The following GIPC1 variants were observed in gnomAD, a reference collection of about 807,000 sequenced individuals.
The protein encoded by GIPC1 is PDZ domain-containing protein GIPC1.
GIPC1 carries 15 observed loss-of-function variants against 28.5 expected under a neutral mutation model. That is an observed-to-expected ratio of 0.53 (90% CI 0.35 to 0.81). The LOEUF (loss-of-function observed/expected upper bound fraction) is 0.81. Ranked by LOEUF, GIPC1 falls within the 30% of genes least tolerant of loss-of-function variation. The pLI is 0.01. For missense variants in GIPC1, 439 were observed against 481.9 expected, an observed-to-expected ratio of 0.91 and a Z score of 0.83; for synonymous variants, 224 against 206.1, an observed-to-expected ratio of 1.09 and a Z score of -0.74.
chr19:14,495,311 C>T (rs1433632934), intron 1 of GIPC1, among the ~76,000 whole-genome samples: 9 of 67,926 alleles, frequency 1.3e-4, no homozygotes, highest in African/African-American at 3.4e-4. Flanking sequence ...ATGATGAGTA[C>T]GGGGTAGGGG....
chr19:14,480,574 G>GC lies in GIPC1; in HGVS notation c.474+18dup, dbSNP rs779693987. 1.4e-5 allele frequency: 22 copies of GC among 1,611,176 alleles called. No individual in the cohort carries two copies. Among genetic ancestry groups the GC allele is most frequent in the Non-Finnish European group, 1.8e-5 (21 of 1,178,356 alleles). ...ACCCTCACTCCCAGGCCTCCGGGGT[G>GC]CCCCGTCTCCCCAGGCACCTTGATG... On this transcript the variant is annotated intron_variant, in intron 5 of 8. Transcript: ENST00000393033.
rs1383897058 is a variant in GIPC1, at chr19:14,482,833, G to C, written c.144C>G (p.Pro48=). 6.3e-7 allele frequency: 1 copy of C among 1,578,690 alleles called. No individual in the cohort carries two copies. The highest frequency in any genetic ancestry group is 2.3e-5 in the East Asian group (1 of 43,276). ...GGSGGPQMGL[P]PPPPALRPRL... ...GGGGCCGCAGGGCTGGGGGAGGGGGGGGCAAGCCCATTTGGGGGCCCCCCG... is the reference window on the plus strand; with the variant it reads ...GGGGCCGCAGGGCTGGGGGAGGGGGCGGCAAGCCCATTTGGGGGCCCCCCG... Residue 48 remains proline, a synonymous_variant, in exon 4 of 9, where the codon CCC becomes CCG. Transcript: ENST00000393033.
At chr19:14,486,175 G>A (rs962156803) in intron 3 of GIPC1, among the ~76,000 whole-genome samples, 9 of 152,138 alleles carry the variant, frequency 5.9e-5, no homozygotes, top group African/African-American at 1.4e-4. Flanking sequence ...CACCGTGCCC[G>A]GCCTGTGACC....
intron 3 of GIPC1, among the ~76,000 whole-genome samples, chr19:14,487,214 TTTTTC>T (rs1471162955): frequency 6.6e-6 from 1 of 151,176 alleles, no homozygotes; most frequent in Non-Finnish European, 1.5e-5. Flanking sequence ...TGCCTTTCTT[TTTTTC>T]TTTTTTTTCT....
In GIPC1 at chr19:14,488,438, G is replaced by A. The variant is rs538304970; in HGVS notation, c.-31+3218C>T. On this transcript the variant is annotated intron_variant, in intron 3 of 8. Transcript: ENST00000393033. ...TGCACTCCAGCCTGGGTGACAAACC[G>A]AGACTCCATCTCAAAAAAACAAAGA... is the stretch of plus-strand genomic sequence containing the variant. 6.6e-5 allele frequency among the ~76,000 whole-genome samples: 10 copies of A among 150,774 alleles called. 1 individual carries two copies. In the South Asian group the frequency reaches 1.7e-3, roughly 25 times the overall value.
In GIPC1 at chr19:14,494,104, C is replaced by T. The variant is rs546645730; in HGVS notation, c.-174-1192G>A. On this transcript the variant is annotated intron_variant, in intron 1 of 8. Transcript: ENST00000393033. ...CCTCCTGAGTAGCTGGGCTTACAGG[C>T]GTGCGCCACCACACCCAGCTAATTT... is the stretch of plus-strand genomic sequence containing the variant. Among the ~76,000 whole-genome samples, 281 of 152,282 alleles carry T rather than the reference C, an allele frequency of 1.8e-3. 3 individuals are homozygous for T. The highest frequency in any genetic ancestry group is 6.3e-3 in the African/African-American group (263 of 41,560).
Position 14,480,391 on chromosome 19 carries a change from C to T in GIPC1, c.569G>A (p.Arg190Gln), listed in dbSNP as rs368754619. 4.3e-6 allele frequency: 7 copies of T among 1,612,956 alleles called. No homozygotes were observed. The highest frequency in any genetic ancestry group is 1.1e-5 in the South Asian group (1 of 91,046). ...GAGCAGCCGGGCCACCTCGTAGTGC[C>T]GGCAGCCCAGCAGGCTCTGCCCGTT... ...AINGQSLLGC[R>Q]HYEVARLLKE... is the part of the protein sequence containing the mutation. Residue 190 changes from arginine (R) to glutamine (Q), a missense_variant, in exon 6 of 9, where the codon CGG becomes CAG. Arg to Gln is a conservative substitution (Grantham distance 43, BLOSUM62 1). Transcript: ENST00000393033.
chr19:14,480,565 C>T (rs773636783), intron 5 of GIPC1, 28 bp downstream of exon 5: 12 of 1,609,872 alleles, frequency 7.5e-6, no homozygotes, highest in Non-Finnish European at 1.0e-5. Context: ...ACTCCCAGGC[C>T]TCCGGGGTGC....
intron 4 of GIPC1, 136 bp downstream of exon 4, chr19:14,482,553 T>C (rs1460142474): frequency 8.3e-6 from 7 of 844,292 alleles, no homozygotes; most frequent in Non-Finnish European, 1.3e-5. Flanking sequence ...CCCAGGCCAT[T>C]GGCCCCCACC....
At position 14,485,702 on chromosome 19, in the gene GIPC1, TAGAGAGAG is replaced by T. The variant is rs747570310; in HGVS notation, c.-30-2704_-30-2697del. On this transcript the variant is annotated intron_variant, in intron 3 of 8. Transcript: ENST00000393033. Reference sequence around the variant, plus strand: ...ATAAACAAATATATATATATATATATAGAGAGAGAGAGAGAGAGAGAGAGAGAGAGAGA... The same window carrying T: ...ATAAACAAATATATATATATATATATAGAGAGAGAGAGAGAGAGAGAGAGA... Among the ~76,000 whole-genome samples the T allele has an allele frequency of 2.7e-3, 161 of 58,778 alleles. 1 individual carries two copies. The highest frequency in any genetic ancestry group is 4.0e-3 in the South Asian group (7 of 1,732). 38.6% of individuals were successfully genotyped at this position (58,778 alleles called of 152,430 possible).
chr19:14,489,138 G>T (rs539452028), intron 3 of GIPC1, among the ~76,000 whole-genome samples: 1 of 152,160 alleles, frequency 6.6e-6, no homozygotes, highest in Admixed American at 6.6e-5. Flanking sequence ...GCCCAGATTG[G>T]TCCTGAACTC....
chr19:14,479,578 C>T, intron 6 of GIPC1, 54 bp from the exon 7 acceptor site: 1 of 925,292 alleles, frequency 1.1e-6, no homozygotes. Flanking sequence ...TTAGCACGTT[C>T]TGGGCAGGAA....
At chr19:14,489,322 C>T (rs1000439670) in intron 3 of GIPC1, 5 of 767,764 alleles carry the variant, frequency 6.5e-6, no homozygotes, top group Admixed American at 5.2e-5. Context: ...CTGGGCCTAC[C>T]GCGGTAGCGT....
intron 3 of GIPC1, among the ~76,000 whole-genome samples, chr19:14,486,830 A>G (rs973067016): frequency 1.4e-5 from 2 of 144,784 alleles, no homozygotes; most frequent in African/African-American, 2.6e-5. Context: ...ACCTGCCTCA[A>G]CCTCCCAAGT....
chr19:14,494,108 C>T (rs765147898), intron 1 of GIPC1, among the ~76,000 whole-genome samples: 4 of 152,062 alleles, frequency 2.6e-5, no homozygotes, highest in African/African-American at 4.8e-5. Context: ...TACAGGCGTG[C>T]GCCACCACAC....
chr19:14,482,868 C>T lies in GIPC1; in HGVS notation c.109G>A (p.Gly37Arg), dbSNP rs564368722. The part of the protein sequence containing the change: ...LGVGEPGPLG[G>R]GGSGGPQMGL... ...ATTTGGGGGCCCCCCGACCCACCTC[C>T]GCCCAGAGGCCCTGGCTCCCCCACG... The change falls in exon 4 of 9, where the codon GGA (glycine) becomes AGA (arginine). Residue 37 changes from glycine (G) to arginine (R), a missense_variant. By Grantham distance (125) the Gly-to-Arg change is moderately radical. Transcript: ENST00000393033. 56 of 1,580,252 alleles carry T rather than the reference C, an allele frequency of 3.5e-5. No homozygotes were observed. The East Asian group carries it at 4.2e-4, about 12-fold the overall frequency.
intron 3 of GIPC1, among the ~76,000 whole-genome samples, chr19:14,486,814 C>A (rs975494200): frequency 2.0e-5 from 3 of 149,088 alleles, no homozygotes; most frequent in Admixed American, 1.4e-4. Context: ...TGGGTTCAAG[C>A]GATTCACCTG....
At position 14,482,813 on chromosome 19, in the gene GIPC1, C is replaced by A. The variant is rs755568846; in HGVS notation, c.164G>T (p.Arg55Leu). 1 of 1,592,488 alleles carries A rather than the reference C, an allele frequency of 6.3e-7. No homozygotes were observed. The highest frequency in any genetic ancestry group is 8.5e-7 in the Non-Finnish European group (1 of 1,170,548). The change falls in exon 4 of 9, where the codon CGG (arginine) becomes CTG (leucine). Residue 55 changes from arginine (R) to leucine (L), a missense_variant. By Grantham distance (102) the Arg-to-Leu change is moderately radical. Transcript: ENST00000393033. Reference protein sequence around the residue: ...MGLPPPPPALRPRLVFHTQLA... With the variant: ...MGLPPPPPALLPRLVFHTQLA... ...CTGGGTGTGGAACACGAGGCGGGGC[C>A]GCAGGGCTGGGGGAGGGGGGGGCAA...
rs2071655150 is a variant in GIPC1 at position 14,478,611 on chromosome 19, G to T, written c.851-44C>A. Reference sequence around the variant, plus strand: ...GAACGGAGGCACAAATGACACCAGGGACCAAGGGGCTCAGGGTGGATTCGG... The same window carrying T: ...GAACGGAGGCACAAATGACACCAGGTACCAAGGGGCTCAGGGTGGATTCGG... On this transcript the variant is annotated intron_variant, in intron 8 of 8. Transcript: ENST00000393033. This position sits in a 1 kb window ranked among gnomAD's most constrained non-coding sequence, Gnocchi z 5.2. 2 of 1,612,950 alleles carry T rather than the reference G, an allele frequency of 1.2e-6. No individual in the cohort carries two copies. Among genetic ancestry groups the T allele is most frequent in the Non-Finnish European group, 1.7e-6 (2 of 1,179,148 alleles).
Sources: allele counts gnomAD v4.1 joint callset (sites outside exome capture counted in the v4.1 genomes callset), GRCh38; gene constraint gnomAD v4.1.1; non-coding constraint Gnocchi (gnomAD v3.1); transcripts MANE v1.5; gene names NCBI Gene and HGNC (gene_info 2026-07-23, HGNC 2026-07-21).